GSG1L: variants seen among roughly 807,000 people sequenced by gnomAD.
GSG1L encodes the protein germ cell-specific gene 1-like protein.
In GSG1L, 24 loss-of-function variants were observed where a neutral mutation model predicts 42.1. The observed-to-expected ratio is 0.57, with a 90% CI of 0.41 to 0.80. GSG1L has a LOEUF of 0.80. Among genes scored for constraint, GSG1L ranks in the 30% least tolerant of loss-of-function variants. The pLI is 0.00. For synonymous variants in GSG1L, 215 were observed against 203.5 expected, an observed-to-expected ratio of 1.06 and a Z score of -0.48; for missense variants, 445 against 472.2, an observed-to-expected ratio of 0.94 and a Z score of 0.53.
In GSG1L at chr16:27,815,777, T is replaced by C. The variant is rs373678947; in HGVS notation, c.831-8223A>G. ...AACTAATTAACAATGCACAGCATGC[T>C]GGACAATATAGGGAGATCTAGTCTC... On this transcript the variant is annotated intron_variant, in intron 5 of 6. Coordinates refer to ENST00000447459, the MANE Select transcript of GSG1L (RefSeq NM_001109763.2). Among the ~76,000 whole-genome samples the C allele has an allele frequency of 6.6e-5, 10 of 152,298 alleles. No homozygotes were observed. In the East Asian group the frequency reaches 1.4e-3, roughly 21 times the overall value.
At chr16:27,920,189 A>T (rs953750603) in intron 2 of GSG1L, among the ~76,000 whole-genome samples, 2 of 152,124 alleles carry the variant, frequency 1.3e-5, no homozygotes, top group African/African-American at 4.8e-5. Context: ...AAACATTTGG[A>T]CTTTGTTGTG....
At chr16:27,903,279 G>A (rs748425437) in intron 2 of GSG1L, among the ~76,000 whole-genome samples, 6 of 152,108 alleles carry the variant, frequency 3.9e-5, no homozygotes, top group African/African-American at 9.7e-5. Flanking sequence ...AGGGAGCAAC[G>A]TGGTCGGACC....
At chr16:27,935,326 AT>A (rs368816661) in intron 2 of GSG1L, among the ~76,000 whole-genome samples, 34 of 151,910 alleles carry the variant, frequency 2.2e-4, no homozygotes, top group African/African-American at 8.2e-4. Context: ...TGATGGGGGA[AT>A]GGGGGGCTTC....
rs1201537229 is a variant in GSG1L, at chr16:27,788,668, C to T, written c.*2702G>A. 1 of 152,220 alleles carries T rather than the reference C, an allele frequency of 6.6e-6. No homozygotes were observed. The allele number at this position is 152,220 out of a possible 1,614,324, so 9.4% of individuals were successfully genotyped here. A position where few individuals can be genotyped will look rare whatever the true frequency, so the allele number is the denominator to read the frequency against. On this transcript the variant is annotated 3_prime_UTR_variant, in exon 7 of 7. Transcript: ENST00000447459. ...TTAGACATCATTTTCTCAAAGGAGC[C>T]TCCCTAGACTACAGCTCCCACAGCC...
At chr16:27,843,503 G>GT (rs200573722) in intron 4 of GSG1L, among the ~76,000 whole-genome samples, 17 of 96,674 alleles carry the variant, frequency 1.8e-4, no homozygotes, top group African/African-American at 6.6e-4. Flanking sequence ...CAGAGACTCT[G>GT]TAAAAAAAAA....
At chr16:28,014,082 C>G (rs1026796961) in intron 1 of GSG1L, among the ~76,000 whole-genome samples, 1 of 152,236 alleles carries the variant, frequency 6.6e-6, no homozygotes, top group African/African-American at 2.4e-5. Context: ...ATTGCAGGAT[C>G]TCTTTGTTAC....
intron 2 of GSG1L, among the ~76,000 whole-genome samples, chr16:27,913,201 T>C (rs565849551): frequency 6.6e-6 from 1 of 152,328 alleles, no homozygotes; most frequent in Admixed American, 6.5e-5. Context: ...TGATAACACA[T>C]GTACCATGAT....
chr16:27,825,649 G>T (rs2083200415), intron 5 of GSG1L, among the ~76,000 whole-genome samples: 2 of 152,152 alleles, frequency 1.3e-5, no homozygotes, highest in Admixed American at 6.5e-5. Context: ...GACTGATATG[G>T]TTTAGCTGTG....
chr16:27,862,962 T>A (rs1395065234), intron 3 of GSG1L, among the ~76,000 whole-genome samples: 3 of 152,092 alleles, frequency 2.0e-5, no homozygotes, highest in Non-Finnish European at 2.9e-5. Context: ...GTTCTATATA[T>A]AGTTAATAAT....
intron 2 of GSG1L, among the ~76,000 whole-genome samples, chr16:27,905,956 C>G (rs2084317131): frequency 6.6e-6 from 1 of 152,066 alleles, no homozygotes; most frequent in African/African-American, 2.4e-5. Context: ...GCACCAACTT[C>G]AGGGGTTTAT....
chr16:28,001,382 C>T (rs557007120), intron 1 of GSG1L, among the ~76,000 whole-genome samples: 2 of 152,302 alleles, frequency 1.3e-5, no homozygotes, highest in South Asian at 2.1e-4. Flanking sequence ...GAAGTGTATG[C>T]GTGAGTATGC....
chr16:27,799,463 T>C (rs2082858155), intron 6 of GSG1L, among the ~76,000 whole-genome samples: 1 of 152,188 alleles, frequency 6.6e-6, no homozygotes, highest in Non-Finnish European at 1.5e-5. Flanking sequence ...GAGGATCCCT[T>C]GAGCCCAGGA....
intron 1 of GSG1L, among the ~76,000 whole-genome samples, chr16:27,968,080 AT>A (rs1250651589): frequency 6.6e-6 from 1 of 152,102 alleles, no homozygotes; most frequent in Non-Finnish European, 1.5e-5. Flanking sequence ...GGCCTTGCAC[AT>A]TTTTGCCTAT....
intron 1 of GSG1L, among the ~76,000 whole-genome samples, chr16:27,976,901 A>C (rs1410740126): frequency 6.6e-6 from 1 of 151,710 alleles, no homozygotes; most frequent in Non-Finnish European, 1.5e-5. Flanking sequence ...ACATTTCTCC[A>C]CTCTAAATTT....
chr16:27,930,845 C>T (rs1414898277), intron 2 of GSG1L, among the ~76,000 whole-genome samples: 1 of 152,192 alleles, frequency 6.6e-6, no homozygotes, highest in Non-Finnish European at 1.5e-5. Flanking sequence ...CCACCTCAGC[C>T]TCCCTAGTAG....
intron 4 of GSG1L, among the ~76,000 whole-genome samples, chr16:27,835,995 G>T (rs2083317111): frequency 6.6e-6 from 1 of 152,014 alleles, no homozygotes; most frequent in Non-Finnish European, 1.5e-5. Context: ...TGTTTAGAGA[G>T]CTCCCTTTAG....
intron 5 of GSG1L, among the ~76,000 whole-genome samples, chr16:27,825,131 C>T (rs951781697): frequency 6.6e-6 from 1 of 152,120 alleles, no homozygotes; most frequent in African/African-American, 2.4e-5. Flanking sequence ...ACTGAATCAG[C>T]GAGATGATGG....
intron 2 of GSG1L, among the ~76,000 whole-genome samples, chr16:27,893,494 C>A (rs1048213271): frequency 1.3e-5 from 2 of 152,160 alleles, no homozygotes; most frequent in Admixed American, 6.6e-5. Context: ...ATCACACAAG[C>A]CCGACATTTG....
At position 27,947,511 on chromosome 16, in the gene GSG1L, GAAAGAAAGAA is replaced by G. The variant is rs751032179; in HGVS notation, c.397+15635_397+15644del. 3.8e-4 allele frequency among the ~76,000 whole-genome samples: 54 copies of G among 141,292 alleles called. 1 individual carries two copies. Among genetic ancestry groups the G allele is most frequent in the Admixed American group, 3.0e-3 (41 of 13,496 alleles). The allele number at this position is 141,292 out of a possible 152,430, so 92.7% of individuals were successfully genotyped here. On this transcript the variant is annotated intron_variant, in intron 2 of 6. Transcript: ENST00000447459. ...AAAGAAAGAAAGAGAAAGAAAGAAGGAAAGAAAGAAAAAGAAAGAAAGAATGAAGGAAAGA... is the reference window on the plus strand; with the variant it reads ...AAAGAAAGAAAGAGAAAGAAAGAAGGAAAGAAAGAAAGAATGAAGGAAAGA...
Sources: gnomAD v4.1 joint callset for allele counts (sites outside exome capture counted in the v4.1 genomes callset) on GRCh38, gnomAD v4.1.1 for gene constraint, MANE v1.5 for transcripts, NCBI Gene and HGNC (gene_info 2026-07-23, HGNC 2026-07-21) for gene names.